The following ZNF280C variants were observed in gnomAD, a reference collection of about 807,000 sequenced individuals.
The protein encoded by ZNF280C is zinc finger protein 280C, also known as suppressor of hairy wing homolog 3.
A neutral mutation model predicts 53.6 loss-of-function variants in ZNF280C; 14 were observed. The ratio of observed to expected loss-of-function variants is 0.26; its 90% confidence interval spans 0.17 to 0.41. The LOEUF (loss-of-function observed/expected upper bound fraction) is 0.41, where lower values mean the gene tolerates loss of function less well. ZNF280C is among the 10% of genes least tolerant of loss of function. The probability of loss-of-function intolerance (pLI) is 1.00; values close to 1 mark genes in which losing one functional copy is unlikely to be tolerated. For synonymous variants in ZNF280C, 203 were observed against 181.1 expected (o/e 1.12, Z -0.97); for missense variants, 416 against 547.1 (o/e 0.76, Z 2.39).
intron 9 of ZNF280C, among the ~76,000 whole-genome samples, chrX:130,229,455 A>G (rs149590772): frequency 4.0e-3 from 449 of 111,810 alleles, no homozygotes; most frequent in African/African-American, 0.014. Context: ...CTTCTTTTCC[A>G]TACATGAAAT....
Position 130,204,950 on chromosome X carries a change from G to A in ZNF280C, c.*27C>T, listed in dbSNP as rs1316861163. The A allele has an allele frequency of 9.3e-7, 1 of 1,071,998 alleles. No homozygotes were observed. Among genetic ancestry groups the A allele is most frequent in the South Asian group, 2.9e-5 (1 of 34,353 alleles). 88.3% of individuals were successfully genotyped at this position (1,071,998 alleles called of 1,213,427 possible). ...GAACTTCCAACTTGTCTTGCACCAG[G>A]TTGCATGAACTCCATGGAGCAGGAA... On this transcript the variant is annotated 3_prime_UTR_variant, in exon 19 of 19. Coordinates refer to ENST00000370978, the MANE Select transcript of ZNF280C (RefSeq NM_017666.5).
intron 1 of ZNF280C, among the ~76,000 whole-genome samples, chrX:130,265,334 A>T (rs951230785): frequency 1.8e-5 from 2 of 112,018 alleles, no homozygotes; most frequent in African/African-American, 6.5e-5. Flanking sequence ...TTCTACAAAG[A>T]AGTTTTACTT....
At chrX:130,220,211 A>T in intron 13 of ZNF280C, 138 bp downstream of exon 13, 4 of 491,678 alleles carry the variant, frequency 8.1e-6, no homozygotes, top group Non-Finnish European at 1.2e-5. Flanking sequence ...GAAATACACA[A>T]TAAATTATTG....
rs1216207116 is a variant in ZNF280C at position 130,268,820 on chromosome X, G to C, written c.-75C>G. 1.8e-5 allele frequency: 2 copies of C among 112,378 alleles called. No homozygotes were observed. The highest frequency in any genetic ancestry group is 6.5e-5 in the African/African-American group (2 of 30,865). The allele number at this position is 112,378 out of a possible 1,213,427, so 9.3% of individuals were successfully genotyped here. On this transcript the variant is annotated 5_prime_UTR_variant, in exon 1 of 19. Transcript: ENST00000370978. ...GGATAAGGAGGAGGAGAAAGAGGAG[G>C]AGGAAAGGGAGGAGCGCGAAAAACC...
intron 1 of ZNF280C, among the ~76,000 whole-genome samples, chrX:130,264,357 T>C (rs370821179): frequency 8.9e-6 from 1 of 111,830 alleles, no homozygotes; most frequent in African/African-American, 3.2e-5. Flanking sequence ...AAACTACTAA[T>C]AAATTCATCA....
intron 8 of ZNF280C, among the ~76,000 whole-genome samples, chrX:130,232,013 C>T (rs2032282767): frequency 1.0e-5 from 1 of 97,975 alleles, no homozygotes; most frequent in South Asian, 5.0e-4. Context: ...GGTGACAGAG[C>T]AAGACTCCGT....
intron 8 of ZNF280C, among the ~76,000 whole-genome samples, chrX:130,235,959 TG>T (rs1188463788): frequency 8.9e-6 from 1 of 112,148 alleles, no homozygotes. Context: ...TTTCTATGCT[TG>T]GCTTATTTCA....
At chrX:130,224,736 A>G (rs1273071736) in intron 12 of ZNF280C, among the ~76,000 whole-genome samples, 2 of 111,486 alleles carry the variant, frequency 1.8e-5, no homozygotes, top group Non-Finnish European at 3.8e-5. Context: ...TTGATGGGAA[A>G]GCTCTCTTGA....
intron 1 of ZNF280C, among the ~76,000 whole-genome samples, chrX:130,263,912 CTA>C (rs1385220647): frequency 4.6e-5 from 5 of 107,535 alleles, no homozygotes; most frequent in Non-Finnish European, 9.6e-5. Flanking sequence ...GTAATCTCAG[CTA>C]CTCAGGAGGC....
intron 1 of ZNF280C, among the ~76,000 whole-genome samples, chrX:130,261,165 T>C (rs1264003576): frequency 1.8e-5 from 2 of 111,892 alleles, no homozygotes; most frequent in Non-Finnish European, 3.8e-5. Flanking sequence ...GAATAAGCCA[T>C]AGTCCTTGCC....
chrX:130,223,828 G>T (rs1260920618), intron 12 of ZNF280C, among the ~76,000 whole-genome samples: 1 of 111,931 alleles, frequency 8.9e-6, no homozygotes, highest in African/African-American at 3.2e-5. Context: ...ATAAACCATA[G>T]AGTCAATAAT....
intron 16 of ZNF280C, among the ~76,000 whole-genome samples, chrX:130,208,097 A>C (rs2031997156): frequency 8.9e-6 from 1 of 112,271 alleles, no homozygotes; most frequent in Non-Finnish European, 1.9e-5. Flanking sequence ...AAAATTGTTT[A>C]TAGAAATACA....
chrX:130,220,280 T>TA (rs3081123), intron 13 of ZNF280C, 69 bp downstream of exon 13: 16,578 of 847,508 alleles, frequency 0.02, 2 homozygotes, highest in East Asian at 0.024. Flanking sequence ...CTATCCATAA[T>TA]AAAAAAAAAA....
intron 8 of ZNF280C, among the ~76,000 whole-genome samples, chrX:130,231,572 T>C (rs899077967): frequency 2.7e-5 from 3 of 110,654 alleles, no homozygotes; most frequent in Non-Finnish European, 5.7e-5. Flanking sequence ...TCTCCAAAAG[T>C]TGGGAGGGAG....
chrX:130,224,614 G>A (rs993184595), intron 12 of ZNF280C, among the ~76,000 whole-genome samples: 2 of 111,757 alleles, frequency 1.8e-5, no homozygotes, highest in African/African-American at 6.5e-5. Flanking sequence ...ACTTCTAAGA[G>A]CTCTATTCCA....
chrX:130,254,915 T>G (rs2032549997), intron 2 of ZNF280C, among the ~76,000 whole-genome samples: 1 of 103,382 alleles, frequency 9.7e-6, no homozygotes, highest in African/African-American at 3.5e-5. Flanking sequence ...AAAATAAAAG[T>G]TAAAAAAAGA....
chrX:130,242,362 T>C (rs1243789104), intron 5 of ZNF280C, among the ~76,000 whole-genome samples: 2 of 112,151 alleles, frequency 1.8e-5, no homozygotes, highest in Admixed American at 1.9e-4. Flanking sequence ...TTAAGTATTA[T>C]CATTATCTAT....
intron 16 of ZNF280C, among the ~76,000 whole-genome samples, chrX:130,206,143 A>G (rs1350309448): frequency 1.8e-5 from 2 of 111,054 alleles, no homozygotes; most frequent in African/African-American, 3.3e-5. Flanking sequence ...TATTGTAGAT[A>G]TAACAGTAAA....
rs1049441884 is a variant in ZNF280C, at chrX:130,215,672, G to T, written c.1838+119C>A. 7 of 706,266 alleles carry T rather than the reference G, an allele frequency of 9.9e-6. No individual in the cohort carries two copies. In the African/African-American group the frequency reaches 1.3e-4, roughly 13 times the overall value. The allele number at this position is 706,266 out of a possible 1,213,427, so 58.2% of individuals were successfully genotyped here. A position where few individuals can be genotyped will look rare whatever the true frequency, so the allele number is the denominator to read the frequency against. On this transcript the variant is annotated intron_variant, in intron 14 of 18. Transcript: ENST00000370978. ...TGTAAAAAGTACCTTTTTCTCATTT[G>T]CTTGGTCTTTATGCCAGATAAGTGA...
Sources: gnomAD v4.1 joint callset for allele counts (sites outside exome capture counted in the v4.1 genomes callset) on GRCh38, gnomAD v4.1.1 for gene constraint, MANE v1.5 for transcripts, NCBI Gene and HGNC (gene_info 2026-07-23, HGNC 2026-07-21) for gene names.